The following C10orf67 variants were observed in gnomAD, a reference collection of about 807,000 sequenced individuals.
The protein encoded by C10orf67 is chromosome 10 open reading frame 67.
Under a neutral mutation model 35.6 loss-of-function variants are expected in C10orf67, and 60 were observed. That is an observed-to-expected ratio of 1.68 (90% confidence interval 1.37 to 2.09). The LOEUF (loss-of-function observed/expected upper bound fraction) is 2.09, where lower values mean the gene tolerates loss of function less well. Among genes scored for constraint, C10orf67 ranks in the 30% most tolerant of loss-of-function variants. C10orf67 has a pLI of 0.00. For missense variants in C10orf67, 474 were observed against 330.2 expected (o/e 1.44, Z -3.38); for synonymous variants, 167 against 115.8 (o/e 1.44, Z -2.84).
At chr10:23,293,892 A>G (rs1843797697) in intron 5 of C10orf67, among the ~76,000 whole-genome samples, 1 of 152,228 alleles carries the variant, frequency 6.6e-6, no homozygotes, top group Non-Finnish European at 1.5e-5. Context: ...TCACCTGGGA[A>G]CTGATTAGAA....
At chr10:23,270,394 G>A (rs898771238) in intron 8 of C10orf67, among the ~76,000 whole-genome samples, 6 of 152,168 alleles carry the variant, frequency 3.9e-5, no homozygotes, top group African/African-American at 1.2e-4. Flanking sequence ...CCCCTCATGA[G>A]CCCATACCAC....
At chr10:23,335,112 T>A (rs1247233142) in intron 1 of C10orf67, among the ~76,000 whole-genome samples, 4 of 149,542 alleles carry the variant, frequency 2.7e-5, no homozygotes, top group South Asian at 2.1e-4. Flanking sequence ...AGCTTGAACC[T>A]GGGAGGCAGA....
intron 5 of C10orf67, among the ~76,000 whole-genome samples, chr10:23,292,886 T>C (rs796180121): frequency 6.6e-6 from 1 of 152,192 alleles, no homozygotes; most frequent in Non-Finnish European, 1.5e-5. Context: ...ACCTAGTAAG[T>C]AGTTAATAAA....
At chr10:23,213,201 T>A (rs1214445556) in intron 15 of C10orf67, among the ~76,000 whole-genome samples, 2 of 152,176 alleles carry the variant, frequency 1.3e-5, no homozygotes, top group Admixed American at 1.3e-4. Flanking sequence ...TTCACCCATA[T>A]ACACAACAAA....
Position 23,266,413 on chromosome 10 carries a change from G to A in C10orf67, c.1049C>T (p.Ala350Val). 1 of 398,544 alleles carries A rather than the reference G, an allele frequency of 2.5e-6. No homozygotes were observed. The highest frequency in any genetic ancestry group is 4.4e-6 in the Non-Finnish European group (1 of 226,048). The allele number at this position is 398,544 out of a possible 1,614,324, so 24.7% of individuals were successfully genotyped here. ...GSLSVKVARS[A>V]KGREASLSPW... ...GGACAAAGAGGCTTCTCTCCCCTTG[G>A]CTGATCTTGCAACCTGCCACACAAA... Residue 350 changes from alanine (A) to valine (V), a missense_variant, in exon 10 of 16, where the codon GCC becomes GTC. Coordinates refer to ENST00000636213, the MANE Select transcript of C10orf67 (RefSeq NM_001371909.1).
At chr10:23,327,181 G>C (rs991581023) in intron 2 of C10orf67, among the ~76,000 whole-genome samples, 1 of 151,904 alleles carries the variant, frequency 6.6e-6, no homozygotes, top group Non-Finnish European at 1.5e-5. Context: ...AATCATTGGA[G>C]AGTAGGGAAG....
chr10:23,281,337 CA>C (rs1843358492), intron 8 of C10orf67, among the ~76,000 whole-genome samples: 1 of 152,182 alleles, frequency 6.6e-6, no homozygotes, highest in Non-Finnish European at 1.5e-5. Flanking sequence ...TTCCTATGAG[CA>C]ACCTTTTCTC....
intron 4 of C10orf67, among the ~76,000 whole-genome samples, chr10:23,314,190 A>AAAAAAAAAAAAAAAAAAAAAC (rs1554815237): frequency 6.6e-6 from 1 of 151,360 alleles, no homozygotes; most frequent in Admixed American, 6.6e-5. Context: ...TCTGTTTCAA[A>AAAAAAAAAAAAAAAAAAAAAC]AACAACAACA....
intron 12 of C10orf67, among the ~76,000 whole-genome samples, chr10:23,240,715 G>C (rs572173351): frequency 1.8e-4 from 28 of 152,206 alleles, no homozygotes; most frequent in Non-Finnish European, 3.1e-4. Context: ...TCACACAAAA[G>C]ACTCTTTGAA....
chr10:23,231,544 A>G (rs921811073), intron 13 of C10orf67, among the ~76,000 whole-genome samples: 3 of 152,222 alleles, frequency 2.0e-5, no homozygotes, highest in African/African-American at 7.2e-5. Context: ...TGAATGAAGC[A>G]GCCTTCCATC....
At chr10:23,296,533 C>G (rs1339215430) in intron 5 of C10orf67, among the ~76,000 whole-genome samples, 1 of 152,158 alleles carries the variant, frequency 6.6e-6, no homozygotes, top group Non-Finnish European at 1.5e-5. Flanking sequence ...TCTCAGTGCC[C>G]CTCTCAACAG....
chr10:23,343,877 C>G, intron 1 of C10orf67: 1 of 460,648 alleles, frequency 2.2e-6, no homozygotes, highest in Non-Finnish European at 4.5e-6. Flanking sequence ...CGGGGCGGGC[C>G]GGCGGGGACT....
rs532712584 is a variant in C10orf67, at chr10:23,289,889, C to T, written c.909+11G>A. 123 of 715,276 alleles carry T rather than the reference C, an allele frequency of 1.7e-4. No individual in the cohort carries two copies. In the African/African-American group the frequency reaches 1.8e-3, roughly 10 times the overall value. 44.3% of individuals were successfully genotyped at this position (715,276 alleles called of 1,614,324 possible). A position where few individuals can be genotyped will look rare whatever the true frequency, so the allele number is the denominator to read the frequency against. On this transcript the variant is annotated intron_variant, in intron 7 of 15. Transcript: ENST00000636213. The stretch of plus-strand genomic sequence containing the variant: ...AAAAGAGTCATTTATCAACGTAAAA[C>T]GTTATAGTACCTTTTGAATAGTTTT...
intron 10 of C10orf67, among the ~76,000 whole-genome samples, chr10:23,259,929 C>A (rs1842703415): frequency 6.6e-6 from 1 of 152,014 alleles, no homozygotes; most frequent in Non-Finnish European, 1.5e-5. Context: ...AGTTGTGGAA[C>A]AACATCAAAC....
At chr10:23,211,439 A>G (rs751555654) in intron 15 of C10orf67, among the ~76,000 whole-genome samples, 10 of 141,860 alleles carry the variant, frequency 7.0e-5, no homozygotes, top group Non-Finnish European at 1.5e-4. Flanking sequence ...TAAAGTCTCA[A>G]CATATTTTTG....
At chr10:23,298,939 G>A (rs1453141299) in intron 5 of C10orf67, among the ~76,000 whole-genome samples, 7 of 152,156 alleles carry the variant, frequency 4.6e-5, no homozygotes, top group Admixed American at 4.6e-4. Flanking sequence ...AATAGATGGG[G>A]GCTATTCCTG....
Position 23,223,661 on chromosome 10 carries a change from G to T in C10orf67, c.1510-3C>A, listed in dbSNP as rs1841652592. The T allele has an allele frequency of 2.8e-6, 2 of 717,378 alleles. No homozygotes were observed. The allele number at this position is 717,378 out of a possible 1,614,324, so 44.4% of individuals were successfully genotyped here. A position where few individuals can be genotyped will look rare whatever the true frequency, so the allele number is the denominator to read the frequency against. ...ACATCCACATGCTTACCGTCTATCT[G>T]TAAGTGAACCAAAACTTTTCATTAC... On this transcript the variant is annotated splice_region_variant and splice_polypyrimidine_tract_variant and intron_variant, in intron 14 of 15. Coordinates refer to ENST00000636213, the MANE Select transcript of C10orf67 (RefSeq NM_001371909.1).
At chr10:23,309,940 G>C (rs574601398) in intron 4 of C10orf67, among the ~76,000 whole-genome samples, 1 of 152,326 alleles carries the variant, frequency 6.6e-6, no homozygotes, top group South Asian at 2.1e-4. Context: ...AATCCACCTG[G>C]AGGGATTTAC....
At chr10:23,266,914 T>G (rs984923297) in intron 9 of C10orf67, among the ~76,000 whole-genome samples, 11 of 152,142 alleles carry the variant, frequency 7.2e-5, no homozygotes, top group African/African-American at 2.7e-4. Context: ...CTTTATTTAT[T>G]TATTTATTTT....
Sources: allele counts gnomAD v4.1 joint callset (sites outside exome capture counted in the v4.1 genomes callset), GRCh38; gene constraint gnomAD v4.1.1; transcripts MANE v1.5; gene names NCBI Gene and HGNC (gene_info 2026-07-23, HGNC 2026-07-21).